The following EXOC4 variants were observed in gnomAD, a reference collection of about 807,000 sequenced individuals.
The protein encoded by EXOC4 is SEC8-like 1.
In EXOC4, 71 loss-of-function variants were observed where a neutral mutation model predicts 107.2. That is an observed-to-expected ratio of 0.66 (90% CI 0.55 to 0.81). The LOEUF (loss-of-function observed/expected upper bound fraction) is 0.81. Ranked by LOEUF, EXOC4 falls within the 30% of genes least tolerant of loss-of-function variation. The pLI, the probability that EXOC4 is intolerant of heterozygous loss-of-function variation, is 0.00. For missense variants in EXOC4, 1,108 were observed against 1,189.6 expected, an observed-to-expected ratio of 0.93 and a Z score of 1.01; for synonymous variants, 456 against 441.2, an observed-to-expected ratio of 1.03 and a Z score of -0.42.
intron 9 of EXOC4, among the ~76,000 whole-genome samples, chr7:133,627,298 G>C (rs140317305): frequency 6.6e-6 from 1 of 152,170 alleles, no homozygotes; most frequent in Non-Finnish European, 1.5e-5. Flanking sequence ...ATAGAGGTGC[G>C]CATGCATAGA....
chr7:133,341,553 G>A (rs1335736699), intron 5 of EXOC4, among the ~76,000 whole-genome samples: 1 of 152,140 alleles, frequency 6.6e-6, no homozygotes, highest in African/African-American at 2.4e-5. Flanking sequence ...ATGTCCATTT[G>A]TTCTATGGTA....
chr7:133,814,802 C>A (rs1420554391), intron 10 of EXOC4, among the ~76,000 whole-genome samples: 4 of 152,102 alleles, frequency 2.6e-5, no homozygotes, highest in Non-Finnish European at 5.9e-5. Context: ...GTTTAATGGT[C>A]ATTGTATTGA....
At chr7:134,073,907 C>T in the EXOC4 span, among the ~76,000 whole-genome samples, 1 of 152,150 alleles carries the variant, frequency 6.6e-6, no homozygotes, top group South Asian at 2.1e-4. Context: ...TTCTGCGACA[C>T]AGTGAAGACT....
chr7:134,076,876 CA>C, the EXOC4 span, among the ~76,000 whole-genome samples: 1 of 151,946 alleles, frequency 6.6e-6, no homozygotes, highest in Non-Finnish European at 1.5e-5. Flanking sequence ...TTTGGCTTTA[CA>C]ATGGTTCAAA....
chr7:133,433,250 TC>T (rs1797894494), intron 7 of EXOC4, among the ~76,000 whole-genome samples: 1 of 152,172 alleles, frequency 6.6e-6, no homozygotes, highest in Non-Finnish European at 1.5e-5. Context: ...CCTACCCCAC[TC>T]CCAATAGCCC....
At chr7:133,635,938 G>T (rs1432570360) in intron 10 of EXOC4, among the ~76,000 whole-genome samples, 1 of 152,134 alleles carries the variant, frequency 6.6e-6, no homozygotes, top group Non-Finnish European at 1.5e-5. Flanking sequence ...AAAATTCACT[G>T]TCAGAACAGA....
At chr7:133,462,153 T>G (rs1318676893) in intron 7 of EXOC4, among the ~76,000 whole-genome samples, 1 of 152,168 alleles carries the variant, frequency 6.6e-6, no homozygotes, top group Non-Finnish European at 1.5e-5. Context: ...TGTGCTTTTT[T>G]TCCTTGTGAG....
chr7:133,737,111 CAT>C, intron 10 of EXOC4, among the ~76,000 whole-genome samples: 1 of 152,308 alleles, frequency 6.6e-6, no homozygotes, highest in South Asian at 2.1e-4. Context: ...AGTCATTAAT[CAT>C]ATTCTGGCTG....
intron 1 of EXOC4, among the ~76,000 whole-genome samples, chr7:133,256,227 C>T (rs529800182): frequency 9.2e-5 from 14 of 152,190 alleles, no homozygotes; most frequent in African/African-American, 2.4e-4. Flanking sequence ...GTGATCCACC[C>T]GCCTTGGCCT....
At chr7:133,976,919 G>C (rs1026228644) in intron 14 of EXOC4, among the ~76,000 whole-genome samples, 1 of 152,200 alleles carries the variant, frequency 6.6e-6, no homozygotes, top group African/African-American at 2.4e-5. Context: ...TTTTAAAAGT[G>C]AATGTTCTGA....
chr7:133,344,473 G>A (rs182121968), intron 5 of EXOC4, among the ~76,000 whole-genome samples: 151 of 152,200 alleles, frequency 9.9e-4, no homozygotes, highest in Admixed American at 2.4e-3. Flanking sequence ...TGTCACTATA[G>A]CAAAGTCCAG....
At chr7:134,023,800 A>G (rs1795077671) in intron 17 of EXOC4, among the ~76,000 whole-genome samples, 1 of 152,226 alleles carries the variant, frequency 6.6e-6, no homozygotes, top group Non-Finnish European at 1.5e-5. Context: ...GAGGGATGGC[A>G]GTGTTTTATC....
chr7:133,719,395 T>TG (rs1448654029), intron 10 of EXOC4, among the ~76,000 whole-genome samples: 1 of 152,116 alleles, frequency 6.6e-6, no homozygotes, highest in Non-Finnish European at 1.5e-5. Context: ...AAAAATAGTG[T>TG]GGTGGTAGGC....
At position 133,356,314 on chromosome 7, in the gene EXOC4, T is replaced by A; in HGVS notation, c.764-16T>A. 6.2e-7 allele frequency: 1 copy of A among 1,612,770 alleles called. No individual in the cohort carries two copies. Among genetic ancestry groups the A allele is most frequent in the Non-Finnish European group, 8.5e-7 (1 of 1,179,502 alleles). On this transcript the variant is annotated splice_polypyrimidine_tract_variant and intron_variant, in intron 5 of 17. Transcript: ENST00000253861. Reference sequence around the variant, plus strand: ...GTGGAGTCTGTATCTATTATTGTTATTATTTAATTTTTCAGTGAGGGAGAT... The same window carrying A: ...GTGGAGTCTGTATCTATTATTGTTAATATTTAATTTTTCAGTGAGGGAGAT...
At chr7:133,401,724 A>G (rs1169087656) in intron 7 of EXOC4, among the ~76,000 whole-genome samples, 2 of 151,654 alleles carry the variant, frequency 1.3e-5, no homozygotes, top group Non-Finnish European at 2.9e-5. Flanking sequence ...TTAATAGCCT[A>G]AGATGCTAAG....
chr7:133,253,369 T>C (rs550096789), intron 1 of EXOC4, 182 bp downstream of exon 1: 2 of 1,400,226 alleles, frequency 1.4e-6, no homozygotes, highest in Admixed American at 3.2e-5. Context: ...ACCTTTTTTT[T>C]CTGGGGTTAG....
At chr7:133,720,875 A>G (rs1318738305) in intron 10 of EXOC4, among the ~76,000 whole-genome samples, 2 of 152,158 alleles carry the variant, frequency 1.3e-5, no homozygotes, top group African/African-American at 4.8e-5. Context: ...GTTATTTAGG[A>G]CTTAAATTTA....
At chr7:133,800,155 G>T (rs1451274807) in intron 10 of EXOC4, among the ~76,000 whole-genome samples, 1 of 150,860 alleles carries the variant, frequency 6.6e-6, no homozygotes, top group African/African-American at 2.4e-5. Flanking sequence ...AATGCTGGTG[G>T]CATTAAGTTA....
chr7:133,408,707 G>A (rs1224776356), intron 7 of EXOC4, among the ~76,000 whole-genome samples: 1 of 152,110 alleles, frequency 6.6e-6, no homozygotes, highest in Admixed American at 6.5e-5. Flanking sequence ...GGCAGAGCTT[G>A]GATTTGAACC....
Sources: allele counts gnomAD v4.1 joint callset (sites outside exome capture counted in the v4.1 genomes callset), GRCh38; gene constraint gnomAD v4.1.1; transcripts MANE v1.5; gene names NCBI Gene and HGNC (gene_info 2026-07-23, HGNC 2026-07-21).